Variants in MYH13 observed in about 807,000 individuals in gnomAD.
MYH13 encodes the protein myosin heavy chain 13.
Under a neutral mutation model 232.1 loss-of-function variants are expected in MYH13, and 177 were observed. That is an observed-to-expected ratio of 0.76 (90% CI 0.67 to 0.86). MYH13 has a LOEUF of 0.86. Ranked by LOEUF, MYH13 falls within the 40% of genes least tolerant of loss-of-function variation. The pLI is 0.00. For synonymous variants in MYH13, 884 were observed against 923.5 expected, an observed-to-expected ratio of 0.96 and a Z score of 0.78; for missense variants, 2,246 against 2,405.9, an observed-to-expected ratio of 0.93 and a Z score of 1.39.
At chr17:10,326,981 G>GTTTTT (rs61543278) in intron 22 of MYH13, among the ~76,000 whole-genome samples, 3,364 of 55,832 alleles carry the variant, frequency 0.06, 1,529 homozygotes, top group Non-Finnish European at 0.074. Flanking sequence ...ATGCCTACTA[G>GTTTTT]TTTTTTTTTT....
At chr17:10,355,648 C>T (rs546943629) in intron 8 of MYH13, among the ~76,000 whole-genome samples, 4 of 152,072 alleles carry the variant, frequency 2.6e-5, no homozygotes, top group Non-Finnish European at 4.4e-5. Flanking sequence ...GTAGCTCTAC[C>T]CAAGCACCTG....
intron 21 of MYH13, among the ~76,000 whole-genome samples, chr17:10,329,786 C>T (rs1307370378): frequency 1.3e-5 from 2 of 152,174 alleles, no homozygotes; most frequent in East Asian, 3.9e-4. Flanking sequence ...AGTTCAAGAC[C>T]AGCCTGGCCA....
At chr17:10,307,108 C>T (rs370457993) in intron 35 of MYH13, 44 bp from the exon 36 acceptor site, 85 of 1,591,466 alleles carry the variant, frequency 5.3e-5, no homozygotes, top group African/African-American at 3.7e-4. Flanking sequence ...TCTATTGGGG[C>T]GCTTAAAAAA....
intron 15 of MYH13, 44 bp downstream of exon 15, chr17:10,345,157 GC>G: frequency 4.3e-6 from 7 of 1,613,688 alleles, no homozygotes; most frequent in Non-Finnish European, 5.1e-6. Context: ...GAAGGGGAGG[GC>G]CCCCAATAAG....
intron 15 of MYH13, among the ~76,000 whole-genome samples, chr17:10,344,836 AAAAAAAG>A (rs1383889931): frequency 6.6e-6 from 1 of 150,500 alleles, no homozygotes; most frequent in Non-Finnish European, 1.5e-5. Context: ...AAAAAAAAAA[AAAAAAAG>A]TTAATATCTA....
intron 11 of MYH13, among the ~76,000 whole-genome samples, chr17:10,353,300 C>A (rs2071724094): frequency 6.6e-6 from 1 of 152,154 alleles, no homozygotes. Flanking sequence ...TTTCTTTTAA[C>A]ACTATTAGAC....
chr17:10,301,360 G>A (rs553873241), intron 40 of MYH13, among the ~76,000 whole-genome samples: 8 of 152,246 alleles, frequency 5.3e-5, no homozygotes, highest in African/African-American at 1.4e-4. Flanking sequence ...GGACTCCCCC[G>A]GGGCTTGGGA....
intron 12 of MYH13, among the ~76,000 whole-genome samples, chr17:10,349,329 A>T (rs905303838): frequency 2.6e-5 from 4 of 151,784 alleles, no homozygotes; most frequent in African/African-American, 9.7e-5. Context: ...TTGACCTATA[A>T]CCTCAGATGA....
At chr17:10,347,299 A>T (rs1300107020) in intron 12 of MYH13, among the ~76,000 whole-genome samples, 2 of 152,184 alleles carry the variant, frequency 1.3e-5, no homozygotes, top group African/African-American at 4.8e-5. Flanking sequence ...TAGGAGGCAG[A>T]GGTTGCAGTG....
At chr17:10,315,381 C>G (rs561521380) in intron 29 of MYH13, among the ~76,000 whole-genome samples, 7 of 152,296 alleles carry the variant, frequency 4.6e-5, no homozygotes, top group Admixed American at 1.3e-4. Context: ...CCACCTCCGC[C>G]CCCTGGGTTC....
rs2071744193 is a variant in MYH13 at position 10,355,813 on chromosome 17, G to A, written c.739-666C>T. On this transcript the variant is annotated intron_variant, in intron 8 of 40. Transcript: ENST00000252172. ...AACACCTTTTAATTGTAACTGGTTG[G>A]ATTGTTCTGTCTGACTTTTTTTTTT... Among the ~76,000 whole-genome samples, 2 of 120,518 alleles carry A rather than the reference G, an allele frequency of 1.7e-5. 1 individual carries two copies. The highest frequency in any genetic ancestry group is 3.4e-5 in the Non-Finnish European group (2 of 59,132). The allele number at this position is 120,518 out of a possible 152,430, so 79.1% of individuals were successfully genotyped here.
intron 4 of MYH13, 26 bp from the exon 5 acceptor site, chr17:10,362,300 T>C: frequency 1.2e-6 from 2 of 1,613,888 alleles, no homozygotes; most frequent in African/African-American, 1.3e-5. Context: ...CATTTATCAT[T>C]TGGATCTCGT....
At position 10,309,538 on chromosome 17, in the gene MYH13, A is replaced by C. The variant is rs781716026; in HGVS notation, c.4949T>G (p.Val1650Gly). The C allele has an allele frequency of 6.2e-7, 1 of 1,610,494 alleles. No homozygotes were observed. ...MAETQKHLRT[V>G]QGQLKDSQLH... ...CGTGCTCACCTTGAGCTGGCCCTGG[A>C]CCGTGCGCAGATGCTTCTGGGTCTC... is the stretch of plus-strand genomic sequence containing the variant. The change falls in exon 34 of 41, where the codon GTC becomes GGC. Residue 1650 changes from valine (V) to glycine (G), a missense_variant. Val to Gly is a moderately radical substitution (Grantham distance 109, BLOSUM62 -3). Coordinates refer to ENST00000252172, the MANE Select transcript of MYH13 (RefSeq NM_003802.3).
At chr17:10,358,450 T>C (rs1442791774) in intron 7 of MYH13, among the ~76,000 whole-genome samples, 1 of 152,158 alleles carries the variant, frequency 6.6e-6, no homozygotes, top group South Asian at 2.1e-4. Context: ...ACCAGCAGCA[T>C]GAACACTACC....
At chr17:10,301,849 G>T in intron 39 of MYH13, 146 bp from the exon 40 acceptor site, 1 of 1,128,338 alleles carries the variant, frequency 8.9e-7, no homozygotes, top group Non-Finnish European at 1.2e-6. Flanking sequence ...TTTCTCCAGC[G>T]TGTGAGGACA....
At position 10,336,844 on chromosome 17, in the gene MYH13, C is replaced by A. The variant is rs533068149; in HGVS notation, c.2056+3306G>T. Reference sequence around the variant, plus strand: ...CTCTGGCCTGTGATTTCTCCTTACTCCCCCAACCCCAAACCTAGCTCTGGT... The same window carrying A: ...CTCTGGCCTGTGATTTCTCCTTACTACCCCAACCCCAAACCTAGCTCTGGT... On this transcript the variant is annotated intron_variant, in intron 18 of 40. Coordinates refer to ENST00000252172, the MANE Select transcript of MYH13 (RefSeq NM_003802.3). Among the ~76,000 whole-genome samples, 13 of 152,228 alleles carry A rather than the reference C, an allele frequency of 8.5e-5. 1 individual carries two copies. Among genetic ancestry groups the A allele is most frequent in the African/African-American group, 3.1e-4 (13 of 41,546 alleles).
rs566320770 is a variant in MYH13 at position 10,363,246 on chromosome 17, G to A, written c.205-743C>T. Among the ~76,000 whole-genome samples, 14 of 149,554 alleles carry A rather than the reference G, an allele frequency of 9.4e-5. 1 individual carries two copies. In the South Asian group the frequency reaches 2.8e-3, roughly 30 times the overall value. On this transcript the variant is annotated intron_variant, in intron 3 of 40. Transcript: ENST00000252172. ...CAGGAGAATGGCGTGAATCCGGGAG[G>A]CGGAGCTTGCAGTGAGCCGAGATCA...
intron 27 of MYH13, among the ~76,000 whole-genome samples, chr17:10,316,584 A>C (rs1469498760): frequency 6.6e-6 from 1 of 152,234 alleles, no homozygotes; most frequent in Non-Finnish European, 1.5e-5. Context: ...GTCACTTTTA[A>C]GTGGATCTTT....
Position 10,362,397 on chromosome 17 carries a change from T to G in MYH13, c.311A>C (p.Tyr104Ser), listed in dbSNP as rs145355767. 6.2e-7 allele frequency: 1 copy of G among 1,614,174 alleles called. No individual in the cohort carries two copies. The change falls in exon 4 of 41, where the codon TAC becomes TCC. Residue 104 changes from tyrosine to serine, a missense_variant. Coordinates refer to ENST00000252172, the MANE Select transcript of MYH13 (RefSeq NM_003802.3). ...GGCTGCATAGCGCTCTTTGAGGTTG[T>G]ACAGAACAGCAGGTTCATGCAGGTG... ...MTHLHEPAVL[Y>S]NLKERYAAWM...
Sources: gnomAD v4.1 joint callset for allele counts (sites outside exome capture counted in the v4.1 genomes callset) on GRCh38, gnomAD v4.1.1 for gene constraint, MANE v1.5 for transcripts, NCBI Gene and HGNC (gene_info 2026-07-23, HGNC 2026-07-21) for gene names.